The following MYH10 variants were observed in gnomAD, a reference collection of about 807,000 sequenced individuals.
MYH10 encodes the protein myosin heavy chain 10.
Under a neutral mutation model 257.8 loss-of-function variants are expected in MYH10, and 55 were observed. The observed-to-expected ratio is 0.21, with a 90% CI of 0.17 to 0.27. The LOEUF is 0.27. Among genes scored for constraint, MYH10 ranks in the 10% least tolerant of loss-of-function variants. The pLI is 1.00. For missense variants in MYH10, 1,631 were observed against 2,500.6 expected, an observed-to-expected ratio of 0.65 and a Z score of 7.42; for synonymous variants, 854 against 921.7, an observed-to-expected ratio of 0.93 and a Z score of 1.33.
chr17:8,606,215 C>T (rs1300943709), intron 2 of MYH10, among the ~76,000 whole-genome samples: 1 of 152,124 alleles, frequency 6.6e-6, no homozygotes, highest in East Asian at 1.9e-4. Context: ...AGAATTGACC[C>T]TATGAATGCT....
chr17:8,487,445 G>T lies in MYH10; in HGVS notation c.5034C>A (p.Leu1678=). ...TGAAGGCACATACCTGGAGCTTGCG[G>T]AGCTGCTTAATCACCTCATCCCGAG... The part of the protein sequence containing the change: ...NKARDEVIKQ[L]RKLQAQMKDY... The change falls in exon 36 of 43, where the codon CTC becomes CTA. Residue 1678 remains leucine, a synonymous_variant. Transcript: ENST00000360416. 1 of 1,614,166 alleles carries T rather than the reference G, an allele frequency of 6.2e-7. No individual in the cohort carries two copies. Among genetic ancestry groups the T allele is most frequent in the Non-Finnish European group, 8.5e-7 (1 of 1,180,050 alleles).
chr17:8,475,662 T>C lies in MYH10; in HGVS notation c.*142A>G. 1.1e-6 allele frequency: 1 copy of C among 916,136 alleles called. No homozygotes were observed. The highest frequency in any genetic ancestry group is 1.7e-6 in the Non-Finnish European group (1 of 596,428). The allele number at this position is 916,136 out of a possible 1,614,324, so 56.8% of individuals were successfully genotyped here. ...TACCTAAGTCTGAAGCAGGATACAG[T>C]ATGCATAGGCTGGAGAGCCTTAAGA... On this transcript the variant is annotated 3_prime_UTR_variant, in exon 43 of 43. Transcript: ENST00000360416.
At chr17:8,503,924 G>T (rs2080988602) in intron 28 of MYH10, among the ~76,000 whole-genome samples, 1 of 152,056 alleles carries the variant, frequency 6.6e-6, no homozygotes, top group Non-Finnish European at 1.5e-5. Context: ...AGTCTGGGAG[G>T]GAGCAGATGG....
chr17:8,558,263 T>G (rs1424044714), intron 7 of MYH10, among the ~76,000 whole-genome samples: 3 of 152,154 alleles, frequency 2.0e-5, no homozygotes, highest in Admixed American at 2.0e-4. Flanking sequence ...TCCCCAAACT[T>G]AAGATGAACA....
intron 17 of MYH10, among the ~76,000 whole-genome samples, chr17:8,526,145 TG>T (rs1160735401): frequency 1.3e-4 from 20 of 152,216 alleles, no homozygotes; most frequent in Admixed American, 1.3e-3. Flanking sequence ...AAAATCATCT[TG>T]TGGGTAAAAG....
In MYH10 at chr17:8,530,606, A is replaced by G; in HGVS notation, c.1957+17T>C. On this transcript the variant is annotated intron_variant, in intron 17 of 42. Coordinates refer to ENST00000360416, the MANE Select transcript of MYH10 (RefSeq NM_001256012.3). ...AACCCTTCTGTTTTGGAAGACCTAC[A>G]GGCTTTATACATTCACCTGGTGGCT... is the stretch of plus-strand genomic sequence containing the variant. The G allele has an allele frequency of 6.5e-7, 1 of 1,535,924 alleles. No homozygotes were observed.
rs1047834355 is a variant in MYH10 at position 8,474,941 on chromosome 17, T to G, written c.*863A>C. ...TGCAAGGTCAGCATGAGGGCCCGGC[T>G]GGCGATGGGGAGGGGCCTTCCACCA... On this transcript the variant is annotated 3_prime_UTR_variant, in exon 43 of 43. Coordinates refer to ENST00000360416, the MANE Select transcript of MYH10 (RefSeq NM_001256012.3). The G allele has an allele frequency of 1.3e-5, 2 of 152,754 alleles. No individual in the cohort carries two copies. Among genetic ancestry groups the G allele is most frequent in the African/African-American group, 4.8e-5 (2 of 41,566 alleles). The allele number at this position is 152,754 out of a possible 1,614,324, so 9.5% of individuals were successfully genotyped here.
rs199905307 is a variant in MYH10, at chr17:8,490,567, C to A, written c.4672-15G>T. ...AGTTCGTGAACCTAAACCACCGAAG[C>A]ATCAGGAAAGAGTTGACCGGGGTGG... On this transcript the variant is annotated splice_polypyrimidine_tract_variant and intron_variant, in intron 34 of 42. Coordinates refer to ENST00000360416, the MANE Select transcript of MYH10 (RefSeq NM_001256012.3). This position sits in a 1 kb window ranked among gnomAD's most constrained non-coding sequence, Gnocchi z 4.1. 6.7e-5 allele frequency: 108 copies of A among 1,612,898 alleles called. 1 individual carries two copies. In the East Asian group the frequency reaches 1.3e-3, roughly 19 times the overall value.
At chr17:8,548,110 T>G (rs1445588104) in intron 11 of MYH10, among the ~76,000 whole-genome samples, 1 of 152,118 alleles carries the variant, frequency 6.6e-6, no homozygotes, top group East Asian at 1.9e-4. Context: ...CAGAGACCAC[T>G]GCTCCTTTTC....
chr17:8,505,268 A>T (rs1407451838), intron 27 of MYH10, among the ~76,000 whole-genome samples: 1 of 152,248 alleles, frequency 6.6e-6, no homozygotes, highest in African/African-American at 2.4e-5. Context: ...ATCTGCTTCT[A>T]ACTATGAAGG....
At chr17:8,495,672 A>T (rs1466930537) in intron 30 of MYH10, among the ~76,000 whole-genome samples, 1 of 151,708 alleles carries the variant, frequency 6.6e-6, no homozygotes, top group Non-Finnish European at 1.5e-5. Flanking sequence ...TATAATTCAC[A>T]TTCTTATAGA....
rs112245882 is a variant in MYH10, at chr17:8,508,692, T to C, written c.3091-15A>G. ...AGTTTCTTTTCCTGGACAGGAAAAA[T>C]TGACTGCTTCAGAAAAGCCATTCAG... On this transcript the variant is annotated splice_polypyrimidine_tract_variant and intron_variant, in intron 25 of 42. Transcript: ENST00000360416. 3.1e-6 allele frequency: 5 copies of C among 1,613,144 alleles called. No homozygotes were observed. The highest frequency in any genetic ancestry group is 2.2e-5 in the East Asian group (1 of 44,848).
chr17:8,489,549 C>T (rs770679868), intron 35 of MYH10, among the ~76,000 whole-genome samples: 1 of 152,092 alleles, frequency 6.6e-6, no homozygotes, highest in Non-Finnish European at 1.5e-5. Context: ...ACTAAAAATA[C>T]AAAAATTAGC....
In MYH10 at chr17:8,595,444, T is replaced by TG. The variant is rs1250272106; in HGVS notation, c.503-6337_503-6336insC. ...ACAGTTCTTTTTTTTTTTTTTTTTT[T>TG]TTTTTGAGACAGAGTTTTGCTCTTG... On this transcript the variant is annotated intron_variant, in intron 3 of 42. Transcript: ENST00000360416. 7.7e-5 allele frequency among the ~76,000 whole-genome samples: 9 copies of TG among 117,000 alleles called. No homozygotes were observed. The Admixed American group carries it at 8.9e-4, about 12-fold the overall frequency. 76.8% of individuals were successfully genotyped at this position (117,000 alleles called of 152,430 possible). A position where few individuals can be genotyped will look rare whatever the true frequency, so the allele number is the denominator to read the frequency against.
At chr17:8,487,337 C>T (rs7219356) in intron 36 of MYH10, 96 bp downstream of exon 36, 605,727 of 1,456,392 alleles carry the variant, frequency 0.42, 126,196 homozygotes, top group South Asian at 0.45. Flanking sequence ...ACGCTGACAG[C>T]GGTGCTGTGC....
At chr17:8,610,889 C>T (rs1440452994) in intron 2 of MYH10, among the ~76,000 whole-genome samples, 3 of 152,176 alleles carry the variant, frequency 2.0e-5, no homozygotes, top group African/African-American at 4.8e-5. Flanking sequence ...ATATGTCAAC[C>T]TTGTTTGGAT....
chr17:8,489,465 A>G (rs1915391844), intron 35 of MYH10, among the ~76,000 whole-genome samples: 1 of 152,238 alleles, frequency 6.6e-6, no homozygotes, highest in African/African-American at 2.4e-5. Flanking sequence ...GCACTTTGGG[A>G]GGCCAAGGCG....
chr17:8,585,812 T>C (rs1002126988), intron 4 of MYH10, among the ~76,000 whole-genome samples: 3 of 152,180 alleles, frequency 2.0e-5, no homozygotes, highest in African/African-American at 7.2e-5. Context: ...GGTTTGTGCA[T>C]TTAATTCTAA....
intron 28 of MYH10, among the ~76,000 whole-genome samples, chr17:8,501,874 T>C (rs1358489452): frequency 6.6e-6 from 1 of 152,198 alleles, no homozygotes; most frequent in Non-Finnish European, 1.5e-5. Context: ...CTGTAACAAA[T>C]ACAGGGTAAC....
Sources: allele counts gnomAD v4.1 joint callset (sites outside exome capture counted in the v4.1 genomes callset), GRCh38; gene constraint gnomAD v4.1.1; non-coding constraint Gnocchi (gnomAD v3.1); transcripts MANE v1.5; gene names NCBI Gene and HGNC (gene_info 2026-07-23, HGNC 2026-07-21).